ADARB2: variants seen among roughly 807,000 people sequenced by gnomAD.
The protein encoded by ADARB2 is adenosine deaminase RNA specific B2 (inactive), also known as inactive double-stranded RNA-specific editase B2.
ADARB2 carries 25 observed loss-of-function variants against 62.2 expected under a neutral mutation model. The observed-to-expected ratio is 0.40, with a 90% confidence interval of 0.29 to 0.56. The LOEUF (loss-of-function observed/expected upper bound fraction) is 0.56, where lower values mean the gene tolerates loss of function less well. ADARB2 is among the 20% of genes least tolerant of loss of function. The pLI is 0.43. For missense variants in ADARB2, 1,071 were observed against 1,077.4 expected, an observed-to-expected ratio of 0.99 and a Z score of 0.08; for synonymous variants, 572 against 500.8, an observed-to-expected ratio of 1.14 and a Z score of -1.90.
intron 1 of ADARB2, among the ~76,000 whole-genome samples, chr10:1,585,470 T>C (rs1833163497): frequency 6.6e-6 from 1 of 152,092 alleles, no homozygotes; most frequent in Non-Finnish European, 1.5e-5. Flanking sequence ...TTCAAAGTCA[T>C]CCCCCTGTGC....
At chr10:1,584,299 C>T (rs1005230757) in intron 1 of ADARB2, among the ~76,000 whole-genome samples, 10 of 152,266 alleles carry the variant, frequency 6.6e-5, no homozygotes, top group African/African-American at 1.9e-4. Flanking sequence ...ACTGATACCA[C>T]GCCAAAGAAG....
chr10:1,653,004 C>T (rs4880901), intron 1 of ADARB2, among the ~76,000 whole-genome samples: 32,914 of 152,156 alleles, frequency 0.22, 3,714 homozygotes, highest in Admixed American at 0.27. Flanking sequence ...CCTCCTCCCC[C>T]CTGGGATCCT....
chr10:1,197,266 A>G (rs1442949453), intron 8 of ADARB2, among the ~76,000 whole-genome samples: 1 of 152,214 alleles, frequency 6.6e-6, no homozygotes, highest in Non-Finnish European at 1.5e-5. Flanking sequence ...TAGTGTGACA[A>G]CATTTTGAAA....
intron 4 of ADARB2, among the ~76,000 whole-genome samples, chr10:1,270,746 C>T (rs1011434870): frequency 6.6e-6 from 1 of 152,194 alleles, no homozygotes; most frequent in African/African-American, 2.4e-5. Flanking sequence ...GAGCTGGGCC[C>T]CGGCAGCCTA....
At chr10:1,244,100 C>T (rs548383988) in intron 4 of ADARB2, among the ~76,000 whole-genome samples, 2 of 152,330 alleles carry the variant, frequency 1.3e-5, no homozygotes, top group Admixed American at 1.3e-4. Flanking sequence ...GCGGGGGTCC[C>T]AGAAGTTGAC....
At chr10:1,335,219 G>A (rs1831962226) in intron 3 of ADARB2, among the ~76,000 whole-genome samples, 1 of 150,462 alleles carries the variant, frequency 6.6e-6, no homozygotes, top group Non-Finnish European at 1.5e-5. Flanking sequence ...TGGATGGAGG[G>A]AGGGAATGAT....
intron 3 of ADARB2, among the ~76,000 whole-genome samples, chr10:1,345,824 G>A (rs905123185): frequency 1.3e-5 from 2 of 152,154 alleles, no homozygotes; most frequent in Non-Finnish European, 2.9e-5. Flanking sequence ...GCTGCAGGCC[G>A]ACACGTGTGC....
chr10:1,462,569 G>C (rs1003272969), intron 1 of ADARB2, among the ~76,000 whole-genome samples: 10 of 152,142 alleles, frequency 6.6e-5, no homozygotes, highest in Admixed American at 6.5e-4. Flanking sequence ...CTGTGTGTAT[G>C]TGCCTGTGTG....
chr10:1,271,185 G>A, intron 3 of ADARB2, 116 bp from the exon 4 acceptor site: 1 of 764,088 alleles, frequency 1.3e-6, no homozygotes, highest in Admixed American at 2.3e-5. Flanking sequence ...ACATGGGCCT[G>A]CTCTCCTCCC....
chr10:1,527,629 A>G (rs769061440), intron 1 of ADARB2, among the ~76,000 whole-genome samples: 15 of 152,236 alleles, frequency 9.9e-5, no homozygotes, highest in South Asian at 4.1e-4. Flanking sequence ...TAACAGGATG[A>G]TATACATAAC....
intron 1 of ADARB2, among the ~76,000 whole-genome samples, chr10:1,404,214 G>A (rs1031109339): frequency 6.9e-6 from 1 of 144,946 alleles, no homozygotes. Context: ...AGGAGCAGGA[G>A]AAGCTGCTGC....
chr10:1,716,417 C>G (rs1366928319), intron 1 of ADARB2, among the ~76,000 whole-genome samples: 1 of 152,232 alleles, frequency 6.6e-6, no homozygotes, highest in Non-Finnish European at 1.5e-5. Context: ...ACTTGGTAGA[C>G]AGCTCCATTA....
At chr10:1,478,777 T>C (rs1478199002) in intron 1 of ADARB2, among the ~76,000 whole-genome samples, 7 of 115,634 alleles carry the variant, frequency 6.1e-5, no homozygotes, top group Non-Finnish European at 1.1e-4. Flanking sequence ...AGCGCCAAAA[T>C]AAGGACCCTT....
At chr10:1,304,001 C>T (rs1276332065) in intron 3 of ADARB2, among the ~76,000 whole-genome samples, 1 of 152,126 alleles carries the variant, frequency 6.6e-6, no homozygotes, top group African/African-American at 2.4e-5. Flanking sequence ...ATCATAATGA[C>T]AGGATCAAAT....
At chr10:1,347,345 G>A (rs548333185) in intron 3 of ADARB2, among the ~76,000 whole-genome samples, 2 of 152,376 alleles carry the variant, frequency 1.3e-5, no homozygotes, top group East Asian at 3.9e-4. Flanking sequence ...GCCACTCTGA[G>A]CATGGTTCAT....
chr10:1,274,464 T>TG (rs373206851), intron 3 of ADARB2, among the ~76,000 whole-genome samples: 2 of 151,698 alleles, frequency 1.3e-5, no homozygotes, highest in African/African-American at 4.8e-5. Context: ...AGCTCTTTGT[T>TG]TTTTTTTTAG....
At chr10:1,510,031 T>TTCTTTTTTTCTCTC (rs1269846037) in intron 1 of ADARB2, among the ~76,000 whole-genome samples, 6 of 113,856 alleles carry the variant, frequency 5.3e-5, no homozygotes, top group Admixed American at 3.4e-4. Flanking sequence ...TTTTTTCTCT[T>TTCTTTTTTTCTCTC]TCTTTCTTTT....
At chr10:1,260,261 T>C (rs1831123313) in intron 4 of ADARB2, among the ~76,000 whole-genome samples, 1 of 152,148 alleles carries the variant, frequency 6.6e-6, no homozygotes, top group Non-Finnish European at 1.5e-5. Flanking sequence ...ATGCCCTCTC[T>C]CACCACTCCT....
intron 1 of ADARB2, among the ~76,000 whole-genome samples, chr10:1,462,663 G>A (rs1464203797): frequency 6.6e-6 from 1 of 152,102 alleles, no homozygotes; most frequent in Non-Finnish European, 1.5e-5. Context: ...GTACATGAGT[G>A]TATGTGCCTG....
Sources: allele counts gnomAD v4.1 joint callset (sites outside exome capture counted in the v4.1 genomes callset), GRCh38; gene constraint gnomAD v4.1.1; transcripts MANE v1.5; gene names NCBI Gene and HGNC (gene_info 2026-07-23, HGNC 2026-07-21).